The following CEP128 variants were observed in gnomAD, a reference collection of about 807,000 sequenced individuals.
CEP128 encodes the protein centrosomal protein 128, also known as centrosomal protein 128kDa.
CEP128 carries 132 observed loss-of-function variants against 156.7 expected under a neutral mutation model. That is an observed-to-expected ratio of 0.84 (90% CI 0.73 to 0.97). CEP128 has a LOEUF of 0.97. Ranked by LOEUF, CEP128 falls within the 50% of genes least tolerant of loss-of-function variation. The pLI is 0.00. For missense variants in CEP128, 1,252 were observed against 1,281.9 expected (o/e 0.98, Z 0.36); for synonymous variants, 469 against 448.9 (o/e 1.04, Z -0.57).
chr14:80,673,671 A>AAAAAAAT (rs1895944752), intron 19 of CEP128, among the ~76,000 whole-genome samples: 1 of 145,922 alleles, frequency 6.9e-6, no homozygotes, highest in African/African-American at 2.6e-5. Flanking sequence ...AAAAAAAAAA[A>AAAAAAAT]TGTACTAAAG....
At chr14:80,678,049 A>AAAAAATATATATATATATAT in intron 19 of CEP128, among the ~76,000 whole-genome samples, 1 of 98,502 alleles carries the variant, frequency 1.0e-5, no homozygotes, top group African/African-American at 3.2e-5. Flanking sequence ...ATAAAAAAAA[A>AAAAAATATATATATATATAT]ATATATATAT....
intron 19 of CEP128, among the ~76,000 whole-genome samples, chr14:80,623,136 A>G (rs1338946542): frequency 2.0e-5 from 3 of 151,974 alleles, no homozygotes; most frequent in Admixed American, 6.6e-5. Flanking sequence ...GCCATAAAAA[A>G]TGATGAGTTC....
At chr14:80,715,781 A>C (rs374750764) in intron 19 of CEP128, among the ~76,000 whole-genome samples, 3 of 152,328 alleles carry the variant, frequency 2.0e-5, no homozygotes, top group South Asian at 4.1e-4. Context: ...TGAATTACTA[A>C]TCTCACTGTA....
chr14:80,563,524 C>CTTTTTTTTTT (rs540593415), intron 20 of CEP128, among the ~76,000 whole-genome samples: 845 of 78,868 alleles, frequency 0.011, 124 homozygotes, highest in East Asian at 0.029. Context: ...GCCTCCAAAT[C>CTTTTTTTTTT]TTTTTTTTTT....
intron 8 of CEP128, among the ~76,000 whole-genome samples, chr14:80,891,514 C>T (rs992158070): frequency 8.1e-5 from 11 of 136,126 alleles, no homozygotes; most frequent in African/African-American, 2.5e-4. Context: ...ACAGAGAGTA[C>T]AAGGATTGAT....
At chr14:80,617,481 G>A (rs946409551) in intron 19 of CEP128, among the ~76,000 whole-genome samples, 5 of 151,762 alleles carry the variant, frequency 3.3e-5, no homozygotes, top group African/African-American at 7.3e-5. Context: ...ATGATCCGCC[G>A]GCCTCGGCCT....
intron 13 of CEP128, among the ~76,000 whole-genome samples, chr14:80,819,471 C>A (rs1390224401): frequency 2.0e-5 from 3 of 152,014 alleles, no homozygotes; most frequent in Non-Finnish European, 4.4e-5. Flanking sequence ...TGGTTTCGAT[C>A]TCCTGACATT....
intron 3 of CEP128, among the ~76,000 whole-genome samples, chr14:80,914,999 C>T (rs900800897): frequency 6.6e-6 from 1 of 152,102 alleles, no homozygotes; most frequent in Non-Finnish European, 1.5e-5. Flanking sequence ...ATTCATACTA[C>T]AAAATTCCAT....
At chr14:80,707,032 T>A (rs1325225054) in intron 19 of CEP128, among the ~76,000 whole-genome samples, 1 of 152,204 alleles carries the variant, frequency 6.6e-6, no homozygotes, top group Admixed American at 6.6e-5. Context: ...CAGAGATTGT[T>A]CAGGAATTTT....
intron 19 of CEP128, among the ~76,000 whole-genome samples, chr14:80,681,077 T>A (rs1382972260): frequency 6.6e-6 from 1 of 152,110 alleles, no homozygotes; most frequent in Non-Finnish European, 1.5e-5. Context: ...AAATACTACC[T>A]TGTAGGTCAA....
At chr14:80,796,866 A>T (rs1467133543) in intron 13 of CEP128, among the ~76,000 whole-genome samples, 2 of 152,348 alleles carry the variant, frequency 1.3e-5, no homozygotes, top group Non-Finnish European at 2.9e-5. Context: ...CAAGTCAAGA[A>T]GTAAACTTAT....
At chr14:80,822,855 A>AT (rs1885264454) in intron 13 of CEP128, 3 of 679,808 alleles carry the variant, frequency 4.4e-6, no homozygotes, top group Admixed American at 2.0e-5. Context: ...TTGAAATACT[A>AT]TTTTTTATCA....
chr14:80,565,262 G>GGGTGGC (rs1890863735), intron 20 of CEP128, among the ~76,000 whole-genome samples: 1 of 151,998 alleles, frequency 6.6e-6, no homozygotes, highest in East Asian at 1.9e-4. Flanking sequence ...AACCAGTTCT[G>GGGTGGC]CCATCCCACC....
At chr14:80,502,012 A>C (rs971648205) in intron 24 of CEP128, among the ~76,000 whole-genome samples, 1 of 152,162 alleles carries the variant, frequency 6.6e-6, no homozygotes, top group Admixed American at 6.5e-5. Context: ...AAATTTCTGC[A>C]TAAGTTGCTC....
At position 80,747,584 on chromosome 14, in the gene CEP128, G is replaced by A. The variant is rs1024400153; in HGVS notation, c.2614-4317C>T. ...AGCACTTTGGGAGGCCGAGGTGGGC[G>A]GATTACAAGGTCAGGAGTTCGAGAC... On this transcript the variant is annotated intron_variant, in intron 18 of 24. Coordinates refer to ENST00000555265, the MANE Select transcript of CEP128 (RefSeq NM_152446.5). Among the ~76,000 whole-genome samples the A allele has an allele frequency of 1.3e-4, 20 of 152,226 alleles. No homozygotes were observed. The East Asian group carries it at 3.1e-3, about 24-fold the overall frequency.
intron 21 of CEP128, among the ~76,000 whole-genome samples, chr14:80,556,332 A>T (rs1890435907): frequency 6.6e-6 from 1 of 152,198 alleles, no homozygotes; most frequent in African/African-American, 2.4e-5. Context: ...AATGCTATTT[A>T]TTCCTGAGCA....
intron 9 of CEP128, among the ~76,000 whole-genome samples, chr14:80,857,686 A>G (rs544161855): frequency 2.2e-4 from 33 of 151,498 alleles, no homozygotes; most frequent in African/African-American, 8.0e-4. Flanking sequence ...GGCTGTAGTG[A>G]GCCGAGATCA....
At chr14:80,712,972 A>G (rs2139420200) in intron 19 of CEP128, among the ~76,000 whole-genome samples, 1 of 152,298 alleles carries the variant, frequency 6.6e-6, no homozygotes. Context: ...ATCCTTAGAT[A>G]ATACCCTGAC....
chr14:80,525,623 A>G (rs1888939552), intron 23 of CEP128, among the ~76,000 whole-genome samples: 3 of 152,222 alleles, frequency 2.0e-5, no homozygotes, highest in Admixed American at 6.5e-5. Context: ...GATTTAGGGA[A>G]CTTAAAAATT....
Sources: gnomAD v4.1 joint callset for allele counts (sites outside exome capture counted in the v4.1 genomes callset) on GRCh38, gnomAD v4.1.1 for gene constraint, MANE v1.5 for transcripts, NCBI Gene and HGNC (gene_info 2026-07-23, HGNC 2026-07-21) for gene names.